Variants in PROKR1 observed in about 807,000 individuals in gnomAD.
PROKR1 encodes the protein prokineticin receptor 1.
In PROKR1, 21 loss-of-function variants were observed where a neutral mutation model predicts 22.8. That is an observed-to-expected ratio of 0.92 (90% CI 0.65 to 1.32). The LOEUF (loss-of-function observed/expected upper bound fraction) is 1.32, where lower values mean the gene tolerates loss of function less well. Ranked by LOEUF, PROKR1 falls within the 40% of genes most tolerant of loss-of-function variation. The pLI, the probability that PROKR1 is intolerant of heterozygous loss-of-function variation, is 0.00. For missense variants in PROKR1, 548 were observed against 514.2 expected, an observed-to-expected ratio of 1.07 and a Z score of -0.64; for synonymous variants, 193 against 207.5, an observed-to-expected ratio of 0.93 and a Z score of 0.60.
chr2:68,650,668 G>A (rs1006208149), intron 2 of PROKR1, among the ~76,000 whole-genome samples: 5 of 152,084 alleles, frequency 3.3e-5, no homozygotes, highest in African/African-American at 1.2e-4. Context: ...CAGCTCTTGG[G>A]GGGCTGACCA....
At chr2:68,646,569 C>T (rs1673184241) in intron 2 of PROKR1, among the ~76,000 whole-genome samples, 2 of 152,140 alleles carry the variant, frequency 1.3e-5, no homozygotes, top group African/African-American at 4.8e-5. Context: ...TGGATGTTTT[C>T]CTAGATATTA....
At position 68,655,211 on chromosome 2, in the gene PROKR1, C is replaced by G; in HGVS notation, c.817C>G (p.Arg273Gly). The G allele has an allele frequency of 6.2e-7, 1 of 1,614,222 alleles. No individual in the cohort carries two copies. The highest frequency in any genetic ancestry group is 8.5e-7 in the Non-Finnish European group (1 of 1,180,046). The stretch of plus-strand genomic sequence containing the variant: ...CCCTGGATTCCAGACAGAGCAGATC[C>G]GCAAGAGGCTGCGCTGCCGCAGGAA... ...AVPGFQTEQI[R>G]KRLRCRRKTV... is the part of the protein sequence containing the mutation. The change falls in exon 3 of 3, where the codon CGC (arginine) becomes GGC (glycine). Residue 273 changes from arginine to glycine, a missense_variant. Physicochemically the swap from Arg to Gly is moderately radical, Grantham distance 125. Transcript: ENST00000303786.
At position 68,655,795 on chromosome 2, in the gene PROKR1, A is replaced by C; in HGVS notation, c.*219A>C. On this transcript the variant is annotated 3_prime_UTR_variant, in exon 3 of 3. Transcript: ENST00000303786. ...TTGCTGAATGTCTAATTTACACGCCAGTAGGTACTGGTAAAACCTATATAT... is the reference window on the plus strand; with the variant it reads ...TTGCTGAATGTCTAATTTACACGCCCGTAGGTACTGGTAAAACCTATATAT... 3.4e-6 allele frequency: 2 copies of C among 595,970 alleles called. No individual in the cohort carries two copies. The highest frequency in any genetic ancestry group is 2.9e-5 in the Admixed American group (1 of 34,338). 36.9% of individuals were successfully genotyped at this position (595,970 alleles called of 1,614,324 possible).
At chr2:68,646,351 AG>A in intron 2 of PROKR1, 45 bp downstream of exon 2, 1 of 1,610,728 alleles carries the variant, frequency 6.2e-7, no homozygotes, top group South Asian at 1.1e-5. Context: ...TCAGGGAGGA[AG>A]GGGCATTGGA....
chr2:68,655,289 C>G lies in PROKR1; in HGVS notation c.895C>G (p.Pro299Ala). 1 of 1,614,246 alleles carries G rather than the reference C, an allele frequency of 6.2e-7. No individual in the cohort carries two copies. The highest frequency in any genetic ancestry group is 8.5e-7 in the Non-Finnish European group (1 of 1,180,044). The change falls in exon 3 of 3, where the codon CCC becomes GCC. Residue 299 changes from proline (P) to alanine (A), a missense_variant. By Grantham distance (27) the Pro-to-Ala change is conservative. Coordinates refer to ENST00000303786, the MANE Select transcript of PROKR1 (RefSeq NM_138964.4). ...CACCGCCTACGTGCTATGCTGGGCG[C>G]CCTTCTACGGCTTCACCATCGTGCG... ...ILTAYVLCWA[P>A]FYGFTIVRDF...
chr2:68,652,476 G>A (rs1468063698), intron 2 of PROKR1, among the ~76,000 whole-genome samples: 1 of 152,140 alleles, frequency 6.6e-6, no homozygotes, highest in Non-Finnish European at 1.5e-5. Context: ...GATGGAGTTG[G>A]GGTGATGTCA....
At chr2:68,645,183 C>T (rs1419740467) in intron 1 of PROKR1, among the ~76,000 whole-genome samples, 2 of 152,146 alleles carry the variant, frequency 1.3e-5, no homozygotes, top group Non-Finnish European at 2.9e-5. Context: ...AAATGCTGTT[C>T]CCAGCTTCTA....
chr2:68,655,784 A>G lies in PROKR1; in HGVS notation c.*208A>G. 1.6e-6 allele frequency: 1 copy of G among 609,162 alleles called. No individual in the cohort carries two copies. The highest frequency in any genetic ancestry group is 2.9e-6 in the Non-Finnish European group (1 of 344,078). The allele number at this position is 609,162 out of a possible 1,614,324, so 37.7% of individuals were successfully genotyped here. On this transcript the variant is annotated 3_prime_UTR_variant, in exon 3 of 3. Coordinates refer to ENST00000303786, the MANE Select transcript of PROKR1 (RefSeq NM_138964.4). ...AACAGTGGCATTTGCTGAATGTCTA[A>G]TTTACACGCCAGTAGGTACTGGTAA...
At position 68,655,240 on chromosome 2, in the gene PROKR1, G is replaced by T; in HGVS notation, c.846G>T (p.Thr282=). ...IRKRLRCRRK[T]VLVLMCILTA... ...AGAGGCTGCGCTGCCGCAGGAAGAC[G>T]GTCCTGGTGCTCATGTGCATCCTCA... Residue 282 remains threonine, a synonymous_variant, in exon 3 of 3, where the codon ACG becomes ACT. Coordinates refer to ENST00000303786, the MANE Select transcript of PROKR1 (RefSeq NM_138964.4). The T allele has an allele frequency of 3.1e-6, 5 of 1,614,240 alleles. No homozygotes were observed. The highest frequency in any genetic ancestry group is 2.2e-5 in the South Asian group (2 of 91,088).
intron 2 of PROKR1, among the ~76,000 whole-genome samples, chr2:68,652,793 G>A (rs2104191178): frequency 6.6e-6 from 1 of 152,262 alleles, no homozygotes; most frequent in African/African-American, 2.4e-5. Context: ...GAACCTACAG[G>A]GATAAGAAAA....
At chr2:68,646,909 G>T (rs72907843) in intron 2 of PROKR1, among the ~76,000 whole-genome samples, 14,003 of 152,058 alleles carry the variant, frequency 0.092, 1,900 homozygotes, top group African/African-American at 0.3. Flanking sequence ...TTAGCTGAGC[G>T]TGGTGGTGTG....
intron 2 of PROKR1, among the ~76,000 whole-genome samples, chr2:68,647,331 C>G (rs1217868356): frequency 6.6e-6 from 1 of 152,192 alleles, no homozygotes. Flanking sequence ...GCTAGCTCCT[C>G]TGCCCACAGC....
chr2:68,652,463 G>A (rs992669272), intron 2 of PROKR1, among the ~76,000 whole-genome samples: 2 of 152,186 alleles, frequency 1.3e-5, no homozygotes, highest in Admixed American at 6.5e-5. Context: ...CACTAATTCT[G>A]CGGATGGAGT....
Position 68,657,173 on chromosome 2 carries a change from C to G in PROKR1, c.*1597C>G, listed in dbSNP as rs192433544. On this transcript the variant is annotated 3_prime_UTR_variant, in exon 3 of 3. Transcript: ENST00000303786. ...GGTACCTTCTGTGATACCTGTGATA[C>G]CTTCTGACTGAGTGGCTATGAGAAG... 5 of 152,244 alleles carry G rather than the reference C, an allele frequency of 3.3e-5. No homozygotes were observed. The highest frequency in any genetic ancestry group is 3.3e-4 in the Admixed American group (5 of 15,298). The allele number at this position is 152,244 out of a possible 1,614,324, so 9.4% of individuals were successfully genotyped here. A position where few individuals can be genotyped will look rare whatever the true frequency, so the allele number is the denominator to read the frequency against.
chr2:68,653,760 G>C (rs577907347), intron 2 of PROKR1, among the ~76,000 whole-genome samples: 1 of 151,982 alleles, frequency 6.6e-6, no homozygotes, highest in Non-Finnish European at 1.5e-5. Context: ...CTCTCATGCC[G>C]CACAATGACT....
rs1156593021 is a variant in PROKR1, at chr2:68,653,740, A to C, written c.486-1140A>C. ...GCTGTGTGCGTTCTCTCTCGGAAAG[A>C]GGCTATCAGCTCTCATGCCGCACAA... On this transcript the variant is annotated intron_variant, in intron 2 of 2. Coordinates refer to ENST00000303786, the MANE Select transcript of PROKR1 (RefSeq NM_138964.4). 2.0e-5 allele frequency among the ~76,000 whole-genome samples: 3 copies of C among 152,114 alleles called. No homozygotes were observed. In the East Asian group the frequency reaches 5.8e-4, roughly 29 times the overall value.
chr2:68,645,696 A>G lies in PROKR1; in HGVS notation c.-126A>G. 7.6e-7 allele frequency: 1 copy of G among 1,321,648 alleles called. No individual in the cohort carries two copies. The highest frequency in any genetic ancestry group is 1.1e-6 in the Non-Finnish European group (1 of 929,976). The allele number at this position is 1,321,648 out of a possible 1,614,324, so 81.9% of individuals were successfully genotyped here. A position where few individuals can be genotyped will look rare whatever the true frequency, so the allele number is the denominator to read the frequency against. ...GGAGCTCAGATACCATACCCCAAAG[A>G]TGCTGGCAGAGACATTCTGACTCAT... On this transcript the variant is annotated 5_prime_UTR_variant, in exon 2 of 3. The change abolishes an upstream ATG in the 5' untranslated region. Transcript: ENST00000303786.
At chr2:68,649,911 G>A (rs1269311269) in intron 2 of PROKR1, among the ~76,000 whole-genome samples, 1 of 152,064 alleles carries the variant, frequency 6.6e-6, no homozygotes, top group Non-Finnish European at 1.5e-5. Context: ...AGTAAGCAAG[G>A]CTGCAGCCAA....
Position 68,645,747 on chromosome 2 carries a change from G to T in PROKR1, c.-75G>T. The T allele has an allele frequency of 6.3e-7, 1 of 1,599,934 alleles. No individual in the cohort carries two copies. Among genetic ancestry groups the T allele is most frequent in the South Asian group, 1.1e-5 (1 of 90,620 alleles). On this transcript the variant is annotated 5_prime_UTR_variant, in exon 2 of 3. Transcript: ENST00000303786. The stretch of plus-strand genomic sequence containing the variant: ...TAAGGGAGAGCTGGCTGATAGCAGA[G>T]AGGGGTGACATCAGCCTTGCAGACA...
Sources: allele counts gnomAD v4.1 joint callset (sites outside exome capture counted in the v4.1 genomes callset), GRCh38; gene constraint gnomAD v4.1.1; transcripts MANE v1.5; gene names NCBI Gene and HGNC (gene_info 2026-07-23, HGNC 2026-07-21).